RPS27L: variants seen among roughly 807,000 people sequenced by gnomAD.
The protein encoded by RPS27L is ribosomal protein S27 like, also known as ribosomal protein eS27-like.
In RPS27L, 10 loss-of-function variants were observed where a neutral mutation model predicts 12.8. The observed-to-expected ratio is 0.78, with a 90% CI of 0.48 to 1.33. The LOEUF (loss-of-function observed/expected upper bound fraction) is 1.33, where lower values mean the gene tolerates loss of function less well. RPS27L is among the 40% of genes most tolerant of loss of function. The pLI is 0.00. For synonymous variants in RPS27L, 26 were observed against 32.3 expected, an observed-to-expected ratio of 0.81 and a Z score of 0.66; for missense variants, 81 against 97.4, an observed-to-expected ratio of 0.83 and a Z score of 0.71.
At chr15:63,157,052 G>C in intron 1 of RPS27L, 1 of 389,778 alleles carries the variant, frequency 2.6e-6, no homozygotes, top group Non-Finnish European at 4.6e-6. Flanking sequence ...GCTTCCGAAA[G>C]AAGGCAGAGG....
In RPS27L at chr15:63,153,194, T is replaced by G. The variant is rs888215632; in HGVS notation, c.*838A>C. 11 of 152,166 alleles carry G rather than the reference T, an allele frequency of 7.2e-5. No homozygotes were observed. The highest frequency in any genetic ancestry group is 2.2e-4 in the African/African-American group (9 of 41,444). 9.4% of individuals were successfully genotyped at this position (152,166 alleles called of 1,614,324 possible). A position where few individuals can be genotyped will look rare whatever the true frequency, so the allele number is the denominator to read the frequency against. On this transcript the variant is annotated 3_prime_UTR_variant, in exon 4 of 4. Coordinates refer to ENST00000330964, the MANE Select transcript of RPS27L (RefSeq NM_015920.4). ...AACCAGGACTTCTGCGGGTAAATCA[T>G]GCCACTTCAGATTTCTCCTCAAATT... is the stretch of plus-strand genomic sequence containing the variant.
rs1490304863 is a variant in RPS27L, at chr15:63,155,735, A to T, written c.116-4T>A. On this transcript the variant is annotated splice_region_variant and splice_polypyrimidine_tract_variant and intron_variant, in intron 2 of 3. Coordinates refer to ENST00000330964, the MANE Select transcript of RPS27L (RefSeq NM_015920.4). Reference sequence around the variant, plus strand: ...ACCGTGGTGATCTTGTAGCAACCTAAAAAAAAAAAAAGGCAATGTTAAAAA... The same window carrying T: ...ACCGTGGTGATCTTGTAGCAACCTATAAAAAAAAAAAGGCAATGTTAAAAA... The T allele has an allele frequency of 9.3e-7, 1 of 1,072,218 alleles. No individual in the cohort carries two copies. Among genetic ancestry groups the T allele is most frequent in the Admixed American group, 3.4e-5 (1 of 29,328 alleles). The allele number at this position is 1,072,218 out of a possible 1,614,324, so 66.4% of individuals were successfully genotyped here.
chr15:63,151,087 A>G lies in RPS27L; in HGVS notation c.*2945T>C, dbSNP rs1339198202. ...AATATAAATAATATTTAAAACATTC[A>G]GTATATAATAATGTATGTGGCTGAC... On this transcript the variant is annotated 3_prime_UTR_variant, in exon 4 of 4. Coordinates refer to ENST00000330964, the MANE Select transcript of RPS27L (RefSeq NM_015920.4). The G allele has an allele frequency of 3.9e-5, 6 of 152,228 alleles. No homozygotes were observed. Among genetic ancestry groups the G allele is most frequent in the Non-Finnish European group, 7.3e-5 (5 of 68,038 alleles). 9.4% of individuals were successfully genotyped at this position (152,228 alleles called of 1,614,324 possible).
rs981771601 is a variant in RPS27L, at chr15:63,149,240, T to A, written c.*4792A>T. 1 of 152,152 alleles carries A rather than the reference T, an allele frequency of 6.6e-6. No homozygotes were observed. Among genetic ancestry groups the A allele is most frequent in the Non-Finnish European group, 1.5e-5 (1 of 68,020 alleles). 9.4% of individuals were successfully genotyped at this position (152,152 alleles called of 1,614,324 possible). ...CAAGGTCATTATTCTATAAAAGTTA[T>A]CCTTTTCTTTGTAAAATGCAATAAT... On this transcript the variant is annotated 3_prime_UTR_variant, in exon 4 of 4. Transcript: ENST00000330964.
In RPS27L at chr15:63,152,154, C is replaced by T. The variant is rs961028694; in HGVS notation, c.*1878G>A. 3.3e-5 allele frequency: 5 copies of T among 152,274 alleles called. No homozygotes were observed. Among genetic ancestry groups the T allele is most frequent in the African/African-American group, 1.2e-4 (5 of 41,446 alleles). 9.4% of individuals were successfully genotyped at this position (152,274 alleles called of 1,614,324 possible). On this transcript the variant is annotated 3_prime_UTR_variant, in exon 4 of 4. Transcript: ENST00000330964. ...ATTAGGCGGGCGTGGTGGCACGTGC[C>T]TGAAGTCTCCGCTACTCAGGAGGCA...
Position 63,157,424 on chromosome 15 carries a change from T to TCAGCCCTAC in RPS27L, c.-28_-20dup. ...CAGGCATGTTGATCCTCTTGCAAGC[T>TCAGCCCTAC]CAGCCCTACCAGACCTCCCAGCCCA... is the stretch of plus-strand genomic sequence containing the variant. On this transcript the variant is annotated 5_prime_UTR_variant, in exon 1 of 4. Transcript: ENST00000330964. 2 of 1,613,938 alleles carry TCAGCCCTAC rather than the reference T, an allele frequency of 1.2e-6. No individual in the cohort carries two copies. The highest frequency in any genetic ancestry group is 1.7e-5 in the Admixed American group (1 of 60,008).
chr15:63,152,461 C>T lies in RPS27L; in HGVS notation c.*1571G>A. ...ACTAAAAGTCTGAGAATCTCTGGGT[C>T]ATCTACATATATATGTATATATATA... On this transcript the variant is annotated 3_prime_UTR_variant, in exon 4 of 4. Transcript: ENST00000330964. 1 of 149,654 alleles carries T rather than the reference C, an allele frequency of 6.7e-6. No homozygotes were observed. The allele number at this position is 149,654 out of a possible 1,614,324, so 9.3% of individuals were successfully genotyped here. A position where few individuals can be genotyped will look rare whatever the true frequency, so the allele number is the denominator to read the frequency against.
chr15:63,157,220 C>T (rs2037338277), intron 1 of RPS27L, 180 bp downstream of exon 1: 2 of 698,590 alleles, frequency 2.9e-6, no homozygotes, highest in Non-Finnish European at 2.5e-6. Flanking sequence ...CAGGGCCAGC[C>T]GCGCCGCGGT....
rs181885050 is a variant in RPS27L at position 63,156,282 on chromosome 15, C to G, written c.115+131G>C. ...TCAGTACATTTATTATGAAAATGTC[C>G]CTGACATTTCCAATTCTGTAATCCC... On this transcript the variant is annotated intron_variant, in intron 2 of 3. Coordinates refer to ENST00000330964, the MANE Select transcript of RPS27L (RefSeq NM_015920.4). 6 of 574,034 alleles carry G rather than the reference C, an allele frequency of 1.0e-5. No homozygotes were observed. The East Asian group carries it at 1.8e-4, about 17-fold the overall frequency. 35.6% of individuals were successfully genotyped at this position (574,034 alleles called of 1,614,324 possible).
intron 1 of RPS27L, 78 bp downstream of exon 1, chr15:63,157,322 C>T: frequency 6.6e-7 from 1 of 1,511,684 alleles, no homozygotes; most frequent in Admixed American, 1.7e-5. Flanking sequence ...GCCCGAGAGG[C>T]AGCCGGACTC....
At position 63,155,690 on chromosome 15, in the gene RPS27L, C is replaced by A; in HGVS notation, c.157G>T (p.Val53Leu). ...ITTVFSHAQT[V>L]VLCVGCSTVL... is the part of the protein sequence containing the mutation. ...GTTGAACAACCTACACAAAGAACCACTGTCTGAGCATGGCTGAAAACCGTG... is the reference window on the plus strand; with the variant it reads ...GTTGAACAACCTACACAAAGAACCAATGTCTGAGCATGGCTGAAAACCGTG... The change falls in exon 3 of 4, where the codon GTG (valine) becomes TTG (leucine). Residue 53 changes from valine (V) to leucine (L), a missense_variant. Val to Leu is a conservative substitution (Grantham distance 32). Coordinates refer to ENST00000330964, the MANE Select transcript of RPS27L (RefSeq NM_015920.4). 1 of 1,565,262 alleles carries A rather than the reference C, an allele frequency of 6.4e-7. No individual in the cohort carries two copies. The highest frequency in any genetic ancestry group is 2.4e-5 in the East Asian group (1 of 42,310).
In RPS27L at chr15:63,153,058, A is replaced by G. The variant is rs1296938845; in HGVS notation, c.*974T>C. On this transcript the variant is annotated 3_prime_UTR_variant, in exon 4 of 4. Transcript: ENST00000330964. ...CGTCTCAGCTCCCCAGGATTACTTC[A>G]TAAACTATGAAAATGACAATGAGGC... 1 of 152,264 alleles carries G rather than the reference A, an allele frequency of 6.6e-6. No homozygotes were observed. The highest frequency in any genetic ancestry group is 1.5e-5 in the Non-Finnish European group (1 of 68,084). The allele number at this position is 152,264 out of a possible 1,614,324, so 9.4% of individuals were successfully genotyped here.
Position 63,148,265 on chromosome 15 carries a change from G to A in RPS27L, c.*5767C>T, listed in dbSNP as rs1012685574. The A allele has an allele frequency of 6.6e-6, 1 of 150,762 alleles. No individual in the cohort carries two copies. Among genetic ancestry groups the A allele is most frequent in the Admixed American group, 6.6e-5 (1 of 15,164 alleles). 9.3% of individuals were successfully genotyped at this position (150,762 alleles called of 1,614,324 possible). ...CAATAAAAGTCATATTTAATGGCAT[G>A]CAATTTTATTGATGCAGTCTTCAGT... is the stretch of plus-strand genomic sequence containing the variant. On this transcript the variant is annotated 3_prime_UTR_variant, in exon 4 of 4. Transcript: ENST00000330964.
At position 63,157,474 on chromosome 15, in the gene RPS27L, C is replaced by T; in HGVS notation, c.-69G>A. ...ACACAGCTAGCAAGCTGCAAGCGAT[C>T]TGCGCTCGGCATCAACTTCCGGGAT... On this transcript the variant is annotated 5_prime_UTR_variant, in exon 1 of 4. Transcript: ENST00000330964. 6.3e-7 allele frequency: 1 copy of T among 1,583,114 alleles called. No homozygotes were observed. The highest frequency in any genetic ancestry group is 1.7e-5 in the Admixed American group (1 of 59,964).
chr15:63,157,140 C>G, intron 1 of RPS27L: 1 of 557,902 alleles, frequency 1.8e-6, no homozygotes, highest in South Asian at 2.0e-5. Context: ...AAGACCAAGA[C>G]CGCTCATAAG....
chr15:63,155,055 G>C, intron 3 of RPS27L: 1 of 152,160 alleles, frequency 6.6e-6, no homozygotes, highest in African/African-American at 2.4e-5. Context: ...TTGGGAGGCC[G>C]AGGCGGGCAG....
chr15:63,155,784 C>A, intron 2 of RPS27L, 53 bp from the exon 3 acceptor site: 1 of 1,077,012 alleles, frequency 9.3e-7, no homozygotes, highest in South Asian at 2.3e-5. Context: ...AAAACAGCAC[C>A]TGTTCGACAT....
intron 2 of RPS27L, 123 bp from the exon 3 acceptor site, chr15:63,155,854 G>GT (rs1261843608): frequency 2.0e-6 from 1 of 496,310 alleles, no homozygotes; most frequent in Non-Finnish European, 3.3e-6. Flanking sequence ...AGCCACATGT[G>GT]TAACATAAAC....
Position 63,153,874 on chromosome 15 carries a change from AT to A in RPS27L, c.*157del. The A allele has an allele frequency of 4.8e-6, 3 of 625,830 alleles. No individual in the cohort carries two copies. Among genetic ancestry groups the A allele is most frequent in the Non-Finnish European group, 8.6e-6 (3 of 349,808 alleles). 38.8% of individuals were successfully genotyped at this position (625,830 alleles called of 1,614,324 possible). On this transcript the variant is annotated 3_prime_UTR_variant, in exon 4 of 4. Coordinates refer to ENST00000330964, the MANE Select transcript of RPS27L (RefSeq NM_015920.4). ...GGGATTTGCCCATAATCAAAACTTT[AT>A]TGAAAAACTGACACCAAAATAGGAG... is the stretch of plus-strand genomic sequence containing the variant.
Sources: gnomAD v4.1 joint callset for allele counts on GRCh38, gnomAD v4.1.1 for gene constraint, MANE v1.5 for transcripts, NCBI Gene and HGNC (gene_info 2026-07-23, HGNC 2026-07-21) for gene names.